Variants in LAMC1 observed in about 807,000 individuals in gnomAD.
LAMC1 encodes the protein laminin subunit gamma-1.
LAMC1 carries 38 observed loss-of-function variants against 173.6 expected under a neutral mutation model. That is an observed-to-expected ratio of 0.22 (90% CI 0.17 to 0.29). The LOEUF (loss-of-function observed/expected upper bound fraction) is 0.29, where lower values mean the gene tolerates loss of function less well. Among genes scored for constraint, LAMC1 ranks in the 10% least tolerant of loss-of-function variants. The pLI is 1.00. For synonymous variants in LAMC1, 746 were observed against 749.1 expected, an observed-to-expected ratio of 1.00 and a Z score of 0.07; for missense variants, 1,824 against 2,051.8, an observed-to-expected ratio of 0.89 and a Z score of 2.14.
At chr1:183,026,082 C>T (rs1653678812) in intron 1 of LAMC1, among the ~76,000 whole-genome samples, 1 of 152,204 alleles carries the variant, frequency 6.6e-6, no homozygotes, top group East Asian at 1.9e-4. Flanking sequence ...TTACCTCTAA[C>T]ATCACTTTTT....
rs773909548 is a variant in LAMC1, at chr1:183,118,136, C to T, written c.1980C>T (p.Tyr660=). ...CCTCTATCAAGATACGTGGGACATA[C>T]AGTGAGAGAAGTAAGTTATGATATA... ...NLTSIKIRGT[Y]SERSAGYLDD... Residue 660 remains tyrosine, a synonymous_variant, in exon 11 of 28, where the codon TAC becomes TAT. Transcript: ENST00000258341. The T allele has an allele frequency of 6.4e-7, 1 of 1,555,886 alleles. No homozygotes were observed. The highest frequency in any genetic ancestry group is 8.9e-7 in the Non-Finnish European group (1 of 1,128,678).
chr1:183,091,303 TTGC>T (rs1181304821), intron 1 of LAMC1, among the ~76,000 whole-genome samples: 2 of 152,188 alleles, frequency 1.3e-5, no homozygotes, highest in African/African-American at 4.8e-5. Context: ...ATTTTAGGCT[TTGC>T]TGGCCATGCA....
chr1:183,037,513 T>C (rs750789163), intron 1 of LAMC1, among the ~76,000 whole-genome samples: 15 of 152,246 alleles, frequency 9.9e-5, no homozygotes, highest in Non-Finnish European at 2.2e-4. Context: ...CTTTTGTTAA[T>C]TGATGAATAG....
chr1:183,129,745 AT>A (rs1357339370), intron 18 of LAMC1, among the ~76,000 whole-genome samples: 3 of 152,186 alleles, frequency 2.0e-5, no homozygotes, highest in African/African-American at 7.2e-5. Context: ...TGAGTATGAG[AT>A]TTAAGTTGAA....
intron 1 of LAMC1, among the ~76,000 whole-genome samples, chr1:183,074,449 G>A (rs1008675287): frequency 6.6e-6 from 1 of 152,182 alleles, no homozygotes; most frequent in African/African-American, 2.4e-5. Flanking sequence ...CCACTTAGTA[G>A]TGGTTTACTA....
At position 183,023,693 on chromosome 1, in the gene LAMC1, G is replaced by C. The variant is rs1653598645; in HGVS notation, c.-24G>C. ...ACGCGCCGGTGCCCTTGCCTTCGCC[G>C]TGACCCAGCGTGCGGGCGGCGGGAT... On this transcript the variant is annotated 5_prime_UTR_variant, in exon 1 of 28. Coordinates refer to ENST00000258341, the MANE Select transcript of LAMC1 (RefSeq NM_002293.4). 1.7e-6 allele frequency: 2 copies of C among 1,168,996 alleles called. No individual in the cohort carries two copies. Among genetic ancestry groups the C allele is most frequent in the African/African-American group, 3.2e-5 (2 of 61,744 alleles). The allele number at this position is 1,168,996 out of a possible 1,614,324, so 72.4% of individuals were successfully genotyped here. A position where few individuals can be genotyped will look rare whatever the true frequency, so the allele number is the denominator to read the frequency against.
chr1:183,079,444 C>T (rs1035155439), intron 1 of LAMC1, among the ~76,000 whole-genome samples: 20 of 151,270 alleles, frequency 1.3e-4, no homozygotes, highest in South Asian at 4.2e-4. Flanking sequence ...TTGGTAGAGA[C>T]GGGGTTTCAC....
chr1:183,093,011 G>A (rs1249100199), intron 1 of LAMC1, among the ~76,000 whole-genome samples: 1 of 152,116 alleles, frequency 6.6e-6, no homozygotes, highest in African/African-American at 2.4e-5. Context: ...GGGTGCAGTG[G>A]TTCACGCCTA....
intron 1 of LAMC1, among the ~76,000 whole-genome samples, chr1:183,028,563 CAT>C (rs750566796): frequency 1.3e-5 from 2 of 152,224 alleles, no homozygotes; most frequent in Non-Finnish European, 2.9e-5. Context: ...TGCCTAAAGT[CAT>C]GTGGGAGATA....
chr1:183,069,863 C>G (rs907326755), intron 1 of LAMC1, among the ~76,000 whole-genome samples: 1 of 152,138 alleles, frequency 6.6e-6, no homozygotes, highest in Non-Finnish European at 1.5e-5. Context: ...TAGCCAGCAC[C>G]AGTGGACCAT....
chr1:183,032,537 A>G (rs1032179654), intron 1 of LAMC1, among the ~76,000 whole-genome samples: 11 of 151,608 alleles, frequency 7.3e-5, no homozygotes, highest in South Asian at 4.2e-4. Flanking sequence ...TTTTATTTTT[A>G]AAGAGACAAA....
At chr1:183,069,453 TAAGTC>T (rs1488343624) in intron 1 of LAMC1, among the ~76,000 whole-genome samples, 2 of 152,206 alleles carry the variant, frequency 1.3e-5, no homozygotes, top group Non-Finnish European at 2.9e-5. Context: ...AGGTAAAAGT[TAAGTC>T]ATTATCCTCA....
At chr1:183,126,288 T>A (rs1281688815) in intron 16 of LAMC1, 26 bp downstream of exon 16, 1 of 1,606,966 alleles carries the variant, frequency 6.2e-7, no homozygotes, top group African/African-American at 1.3e-5. Flanking sequence ...GGCATACAAC[T>A]CTAAGCTTCC....
At chr1:183,105,655 G>C (rs1189719012) in intron 2 of LAMC1, among the ~76,000 whole-genome samples, 1 of 152,156 alleles carries the variant, frequency 6.6e-6, no homozygotes, top group East Asian at 1.9e-4. Context: ...AATGCTGTGG[G>C]CATCTGCATA....
intron 11 of LAMC1, among the ~76,000 whole-genome samples, chr1:183,121,168 C>T (rs749571761): frequency 2.6e-5 from 4 of 152,090 alleles, no homozygotes; most frequent in Non-Finnish European, 4.4e-5. Context: ...CCTGTAATCC[C>T]AGCACTTTGG....
chr1:183,086,145 A>C (rs958179920), intron 1 of LAMC1, among the ~76,000 whole-genome samples: 7 of 152,236 alleles, frequency 4.6e-5, no homozygotes, highest in Admixed American at 4.6e-4. Flanking sequence ...ACTTGAAATT[A>C]TATTTTTGTG....
intron 1 of LAMC1, among the ~76,000 whole-genome samples, chr1:183,080,869 G>A (rs1655253842): frequency 6.6e-6 from 1 of 151,916 alleles, no homozygotes; most frequent in Non-Finnish European, 1.5e-5. Context: ...AATGTTCTCA[G>A]ATATTTTTTA....
intron 1 of LAMC1, among the ~76,000 whole-genome samples, chr1:183,080,625 A>G (rs1293477951): frequency 6.6e-6 from 1 of 151,998 alleles, no homozygotes; most frequent in Non-Finnish European, 1.5e-5. Context: ...CCTGCTGGGG[A>G]TCAGAGGTTT....
In LAMC1 at chr1:183,122,170, C is replaced by T; in HGVS notation, c.2320C>T (p.Pro774Ser). The part of the protein sequence containing the change: ...AGTSSDCQPC[P>S]CPGGSSCAVV... ...CACCTCCTCCGATTGCCAACCCTGT[C>T]CGTGTCCTGGAGGTTCAAGTTGTGC... The change falls in exon 13 of 28, where the codon CCG becomes TCG. Residue 774 changes from proline (P) to serine (S), a missense_variant. Physicochemically the swap from Pro to Ser is moderately conservative, Grantham distance 74. Transcript: ENST00000258341. 1 of 1,614,192 alleles carries T rather than the reference C, an allele frequency of 6.2e-7. No individual in the cohort carries two copies. Among genetic ancestry groups the T allele is most frequent in the Non-Finnish European group, 8.5e-7 (1 of 1,180,036 alleles).
Sources: gnomAD v4.1 joint callset for allele counts (sites outside exome capture counted in the v4.1 genomes callset) on GRCh38, gnomAD v4.1.1 for gene constraint, MANE v1.5 for transcripts, NCBI Gene and HGNC (gene_info 2026-07-23, HGNC 2026-07-21) for gene names.